The following SPATA17 variants were observed in gnomAD, a reference collection of about 807,000 sequenced individuals.
The protein encoded by SPATA17 is spermatogenesis associated 17, also known as spermatogenesis-associated protein 17.
A neutral mutation model predicts 62.2 loss-of-function variants in SPATA17; 53 were observed. The ratio of observed to expected loss-of-function variants is 0.85; its 90% CI spans 0.68 to 1.07. The LOEUF is 1.07. Ranked by LOEUF, SPATA17 falls within the 50% of genes least tolerant of loss-of-function variation. The pLI is 0.00. For missense variants in SPATA17, 466 were observed against 425.5 expected (o/e 1.10, Z -0.84); for synonymous variants, 146 against 146.8 (o/e 0.99, Z 0.04).
In SPATA17 at chr1:217,808,765, G is replaced by C. The variant is rs368839708; in HGVS notation, c.1005+6915G>C. On this transcript the variant is annotated intron_variant, in intron 9 of 10. Transcript: ENST00000366933. ...AGCTACTTGGGAGGCTGAGGCAGGA[G>C]AATCGCTTGAACCTGGGAAGCAGAG... Among the ~76,000 whole-genome samples, 9 of 151,828 alleles carry C rather than the reference G, an allele frequency of 5.9e-5. No individual in the cohort carries two copies. The South Asian group carries it at 1.2e-3, about 21-fold the overall frequency.
At chr1:217,771,164 G>C (rs1451960994) in intron 6 of SPATA17, among the ~76,000 whole-genome samples, 1 of 150,792 alleles carries the variant, frequency 6.6e-6, no homozygotes, top group Non-Finnish European at 1.5e-5. Flanking sequence ...AGATTTCCTG[G>C]GTCTTATTGA....
At chr1:217,836,738 A>G (rs1048677523) in intron 9 of SPATA17, among the ~76,000 whole-genome samples, 3 of 152,114 alleles carry the variant, frequency 2.0e-5, no homozygotes, top group Admixed American at 6.6e-5. Flanking sequence ...CTCCTCCCAT[A>G]TTTTGTGACA....
intron 6 of SPATA17, among the ~76,000 whole-genome samples, chr1:217,754,129 G>A (rs1437170765): frequency 6.6e-6 from 1 of 152,108 alleles, no homozygotes; most frequent in African/African-American, 2.4e-5. Flanking sequence ...CTACTTGGGA[G>A]GCTGAGTGGG....
chr1:217,758,287 A>G (rs146116325), intron 6 of SPATA17, among the ~76,000 whole-genome samples: 5 of 152,320 alleles, frequency 3.3e-5, no homozygotes, highest in African/African-American at 1.2e-4. Flanking sequence ...TTGATGGTCT[A>G]GAACAGAGCC....
chr1:217,804,298 G>A (rs946943692), intron 9 of SPATA17, among the ~76,000 whole-genome samples: 2 of 152,160 alleles, frequency 1.3e-5, no homozygotes, highest in Non-Finnish European at 2.9e-5. Flanking sequence ...AATACACACA[G>A]TGGGGACAGG....
At chr1:217,832,541 A>G (rs373141961) in intron 9 of SPATA17, among the ~76,000 whole-genome samples, 3 of 152,206 alleles carry the variant, frequency 2.0e-5, no homozygotes, top group Non-Finnish European at 2.9e-5. Context: ...GATGAAAATC[A>G]TCACAGAATG....
At chr1:217,642,830 A>G (rs1230688035) in intron 1 of SPATA17, among the ~76,000 whole-genome samples, 3 of 152,148 alleles carry the variant, frequency 2.0e-5, no homozygotes, top group Non-Finnish European at 4.4e-5. Context: ...TCCTTTATTG[A>G]TAAGGAGGTT....
intron 6 of SPATA17, among the ~76,000 whole-genome samples, chr1:217,771,343 A>G (rs1201262302): frequency 6.6e-6 from 1 of 151,998 alleles, no homozygotes; most frequent in Non-Finnish European, 1.5e-5. Flanking sequence ...AGTTGTGAAA[A>G]ATGTGAAAAC....
intron 3 of SPATA17, 144 bp from the exon 4 acceptor site, chr1:217,668,889 A>C: frequency 1.4e-6 from 1 of 734,628 alleles, no homozygotes. Flanking sequence ...CTATCTCTTC[A>C]ATACAACATT....
At chr1:217,844,067 AT>A (rs1467237059) in intron 9 of SPATA17, among the ~76,000 whole-genome samples, 1 of 152,182 alleles carries the variant, frequency 6.6e-6, no homozygotes, top group African/African-American at 2.4e-5. Flanking sequence ...AAGCTAGTAC[AT>A]TAGTCTGACG....
intron 3 of SPATA17, among the ~76,000 whole-genome samples, chr1:217,668,831 A>G (rs1355011808): frequency 6.6e-6 from 1 of 152,172 alleles, no homozygotes; most frequent in South Asian, 2.1e-4. Flanking sequence ...TCCTAGTTTG[A>G]CTACCATAGA....
intron 9 of SPATA17, among the ~76,000 whole-genome samples, chr1:217,818,425 C>A (rs1674775679): frequency 6.6e-6 from 1 of 152,002 alleles, no homozygotes. Context: ...AATGGTATAG[C>A]CTACTACAGA....
At chr1:217,805,213 C>T (rs1257699364) in intron 9 of SPATA17, among the ~76,000 whole-genome samples, 4 of 152,130 alleles carry the variant, frequency 2.6e-5, no homozygotes, top group Non-Finnish European at 5.9e-5. Flanking sequence ...AAAAGAAGGA[C>T]ATTCTGTCAT....
At chr1:217,639,665 G>A (rs994451687) in intron 1 of SPATA17, among the ~76,000 whole-genome samples, 3 of 152,250 alleles carry the variant, frequency 2.0e-5, no homozygotes, top group Admixed American at 1.3e-4. Flanking sequence ...GTACTTTAAT[G>A]TCCTTTCTAG....
chr1:217,715,004 A>C (rs576021950), intron 5 of SPATA17, among the ~76,000 whole-genome samples: 1 of 152,194 alleles, frequency 6.6e-6, no homozygotes, highest in Non-Finnish European at 1.5e-5. Context: ...ATTTATGATG[A>C]AACTAAAGTA....
chr1:217,642,733 A>T (rs1412737769), intron 1 of SPATA17, among the ~76,000 whole-genome samples: 2 of 152,192 alleles, frequency 1.3e-5, no homozygotes, highest in Non-Finnish European at 2.9e-5. Context: ...ACCTGCCGCC[A>T]TGTAAGACAT....
intron 5 of SPATA17, among the ~76,000 whole-genome samples, chr1:217,685,069 G>GGCTGTCT (rs11269648): frequency 6.6e-6 from 1 of 152,092 alleles, no homozygotes; most frequent in Non-Finnish European, 1.5e-5. Flanking sequence ...AAGACTGGCT[G>GGCTGTCT]ACTTTAGCTT....
chr1:217,659,187 AAC>A (rs10546517), intron 3 of SPATA17, among the ~76,000 whole-genome samples: 8,998 of 144,142 alleles, frequency 0.062, 320 homozygotes, highest in Middle Eastern at 0.11. Flanking sequence ...TGCCCATCAA[AAC>A]ACACACACAC....
In SPATA17 at chr1:217,800,987, A is replaced by G. The variant is rs1449808470; in HGVS notation, c.873-731A>G. ...GGTCTTTTCTGTTGATCATAAAAAT[A>G]TCTAAAGTAATAATGATGATGGTAA... is the stretch of plus-strand genomic sequence containing the variant. On this transcript the variant is annotated intron_variant, in intron 8 of 10. Transcript: ENST00000366933. Among the ~76,000 whole-genome samples the G allele has an allele frequency of 2.0e-5, 3 of 152,332 alleles. No individual in the cohort carries two copies. The East Asian group carries it at 5.8e-4, about 29-fold the overall frequency.
Sources: gnomAD v4.1 joint callset for allele counts (sites outside exome capture counted in the v4.1 genomes callset) on GRCh38, gnomAD v4.1.1 for gene constraint, MANE v1.5 for transcripts, NCBI Gene and HGNC (gene_info 2026-07-23, HGNC 2026-07-21) for gene names.